The following TRIO variants were observed in gnomAD, a reference collection of about 807,000 sequenced individuals.
TRIO encodes trio Rho guanine nucleotide exchange factor, also known as triple functional domain protein.
In TRIO, 58 loss-of-function variants were observed where a neutral mutation model predicts 351.9. That is an observed-to-expected ratio of 0.16 (90% CI 0.13 to 0.21). The LOEUF is 0.21. TRIO is among the 10% of genes least tolerant of loss of function. The probability of loss-of-function intolerance (pLI) is 1.00; values close to 1 mark genes in which losing one functional copy is unlikely to be tolerated. For synonymous variants in TRIO, 1,758 were observed against 1,595.7 expected (o/e 1.10, Z -2.42); for missense variants, 3,201 against 4,027.8 (o/e 0.79, Z 5.56).
Position 14,284,906 on chromosome 5 carries a change from C to T in TRIO, c.348-1965C>T, listed in dbSNP as rs141309072. Among the ~76,000 whole-genome samples the T allele has an allele frequency of 9.7e-4, 148 of 152,264 alleles. 1 individual carries two copies. The highest frequency in any genetic ancestry group is 3.4e-3 in the Middle Eastern group (1 of 294). On this transcript the variant is annotated intron_variant, in intron 3 of 56. Transcript: ENST00000344204. ...CTTCCTTTGCAGAGCTCTTGGCCTC[C>T]GGGCACCTGCCTCTTCCTGCTTAGG...
chr5:14,244,824 A>G (rs536443740), intron 1 of TRIO, among the ~76,000 whole-genome samples: 1 of 152,260 alleles, frequency 6.6e-6, no homozygotes, highest in Admixed American at 6.5e-5. Context: ...TCAGGCTCAT[A>G]CAGGGAGGCT....
chr5:14,287,202 A>G (rs1736519959), intron 4 of TRIO, 139 bp downstream of exon 4: 1 of 791,478 alleles, frequency 1.3e-6, no homozygotes, highest in Non-Finnish European at 2.0e-6. Flanking sequence ...GATACGTAAA[A>G]TTAGTTACTG....
At chr5:14,326,164 C>CTGGCTCACTGTGAGGATGGA (rs2152312591) in intron 9 of TRIO, among the ~76,000 whole-genome samples, 1 of 152,324 alleles carries the variant, frequency 6.6e-6, no homozygotes, top group South Asian at 2.1e-4. Context: ...CGCCCTACCC[C>CTGGCTCACTGTGAGGATGGA]TGGCTCACTG....
intron 1 of TRIO, among the ~76,000 whole-genome samples, chr5:14,229,369 A>G (rs935670382): frequency 1.3e-5 from 2 of 152,226 alleles, no homozygotes; most frequent in Non-Finnish European, 2.9e-5. Context: ...AACTTCATTT[A>G]CAAATGCTGA....
At chr5:14,339,965 T>C (rs1741788266) in intron 11 of TRIO, among the ~76,000 whole-genome samples, 1 of 152,256 alleles carries the variant, frequency 6.6e-6, no homozygotes, top group African/African-American at 2.4e-5. Context: ...GCTAATTTGC[T>C]AGGTGTTTGC....
At chr5:14,311,342 G>C (rs1403847937) in intron 8 of TRIO, among the ~76,000 whole-genome samples, 1 of 152,186 alleles carries the variant, frequency 6.6e-6, no homozygotes, top group Admixed American at 6.5e-5. Flanking sequence ...ATCTGGTTTT[G>C]AATAAGAAAC....
At position 14,488,134 on chromosome 5, in the gene TRIO, C is replaced by A. The variant is rs749067851; in HGVS notation, c.7506C>A (p.Phe2502Leu). Residue 2502 changes from phenylalanine (F) to leucine (L), a missense_variant, in exon 48 of 57, where the codon TTC becomes TTA. Phe to Leu is a conservative substitution (Grantham distance 22, BLOSUM62 0). Around this residue, in one of 19 missense-constraint regions of TRIO, gnomAD observed 1,089 missense variants for 954.9 expected, o/e 1.14. Coordinates refer to ENST00000344204, the MANE Select transcript of TRIO (RefSeq NM_007118.4). ...SPASRPGSFT[F>L]PGDSDSLQRQ... Reference sequence around the variant, plus strand: ...CCAGCCGACCCGGCTCCTTCACCTTCCCGGGGGACAGCGACTCCCTCCAGC... The same window carrying A: ...CCAGCCGACCCGGCTCCTTCACCTTACCGGGGGACAGCGACTCCCTCCAGC... 1.1e-5 allele frequency: 17 copies of A among 1,608,658 alleles called. No individual in the cohort carries two copies. The highest frequency in any genetic ancestry group is 1.7e-5 in the Admixed American group (1 of 59,958).
intron 1 of TRIO, among the ~76,000 whole-genome samples, chr5:14,150,335 C>G (rs996951071): frequency 9.3e-5 from 14 of 151,220 alleles, no homozygotes; most frequent in South Asian, 2.1e-4. Context: ...TACAAGGGGG[C>G]AGGAGGCAGG....
intron 1 of TRIO, among the ~76,000 whole-genome samples, chr5:14,166,101 G>A (rs980642184): frequency 6.6e-6 from 1 of 152,228 alleles, no homozygotes; most frequent in Non-Finnish European, 1.5e-5. Flanking sequence ...GGCAGTTAGA[G>A]ATGAGTCTGA....
chr5:14,204,095 G>A (rs1208632932), intron 1 of TRIO, among the ~76,000 whole-genome samples: 1 of 152,210 alleles, frequency 6.6e-6, no homozygotes, highest in Non-Finnish European at 1.5e-5. Flanking sequence ...TAGCCTAGAC[G>A]TTTTAAAAGC....
chr5:14,445,117 G>A (rs934207852), intron 34 of TRIO, among the ~76,000 whole-genome samples: 1 of 152,108 alleles, frequency 6.6e-6, no homozygotes. Context: ...GGTGCTCAAA[G>A]TTGGCCTCAG....
intron 2 of TRIO, among the ~76,000 whole-genome samples, chr5:14,280,025 C>CT (rs1220245318): frequency 2.0e-5 from 3 of 152,214 alleles, no homozygotes; most frequent in Non-Finnish European, 2.9e-5. Context: ...GACGTGACAA[C>CT]TTTTTTTTCT....
chr5:14,332,853 C>T (rs1259898818), intron 10 of TRIO, among the ~76,000 whole-genome samples: 3 of 152,188 alleles, frequency 2.0e-5, no homozygotes, highest in Non-Finnish European at 4.4e-5. Flanking sequence ...ATGCCTGACA[C>T]CCAGCAGGCG....
At chr5:14,298,719 A>C (rs1360037869) in intron 7 of TRIO, among the ~76,000 whole-genome samples, 2 of 152,244 alleles carry the variant, frequency 1.3e-5, no homozygotes, top group Non-Finnish European at 2.9e-5. Context: ...TGATTTATAA[A>C]GAGAAACAAA....
At chr5:14,151,481 T>C (rs1042306581) in intron 1 of TRIO, among the ~76,000 whole-genome samples, 2 of 152,076 alleles carry the variant, frequency 1.3e-5, no homozygotes, top group African/African-American at 4.8e-5. Flanking sequence ...GAATAGGTGG[T>C]TTCAGTGCAA....
intron 54 of TRIO, 117 bp downstream of exon 54, chr5:14,502,774 C>A: frequency 1.0e-6 from 1 of 993,582 alleles, no homozygotes; most frequent in Non-Finnish European, 1.5e-6. Flanking sequence ...AGCTGTGTGT[C>A]TTGCATTTGA....
chr5:14,309,250 G>A (rs566118059), intron 8 of TRIO, among the ~76,000 whole-genome samples: 15 of 152,078 alleles, frequency 9.9e-5, no homozygotes, highest in Non-Finnish European at 1.6e-4. Context: ...CTATTCTCAG[G>A]CAGCAAGAAA....
chr5:14,186,821 A>G (rs2152144011), intron 1 of TRIO, among the ~76,000 whole-genome samples: 1 of 152,032 alleles, frequency 6.6e-6, no homozygotes, highest in African/African-American at 2.4e-5. Context: ...AAGGTGATCC[A>G]CCTGTCTCGG....
At chr5:14,438,845 T>A (rs1751802013) in intron 34 of TRIO, among the ~76,000 whole-genome samples, 1 of 152,246 alleles carries the variant, frequency 6.6e-6, no homozygotes, top group African/African-American at 2.4e-5. Flanking sequence ...TGCCTTTAAT[T>A]GAGATAATTT....
Sources: gnomAD v4.1 joint callset for allele counts (sites outside exome capture counted in the v4.1 genomes callset) on GRCh38, gnomAD v4.1.1 for gene constraint, gnomAD v4.1.1 regional missense constraint, MANE v1.5 for transcripts, NCBI Gene and HGNC (gene_info 2026-07-23, HGNC 2026-07-21) for gene names.